The following CBLB variants were observed in gnomAD, a reference collection of about 807,000 sequenced individuals.
The protein encoded by CBLB is Cbl proto-oncogene B, also known as E3 ubiquitin-protein ligase CBL-B.
In CBLB, 31 loss-of-function variants were observed where a neutral mutation model predicts 104.9. That is an observed-to-expected ratio of 0.30 (90% CI 0.22 to 0.40). The LOEUF is 0.40. CBLB is among the 10% of genes least tolerant of loss of function. The probability of loss-of-function intolerance (pLI) is 1.00; values close to 1 mark genes in which losing one functional copy is unlikely to be tolerated. For synonymous variants in CBLB, 440 were observed against 422.6 expected, an observed-to-expected ratio of 1.04 and a Z score of -0.51; for missense variants, 1,062 against 1,214.6, an observed-to-expected ratio of 0.87 and a Z score of 1.87.
intron 18 of CBLB, among the ~76,000 whole-genome samples, chr3:105,665,434 T>TATATACACACACACACAC (rs1255660420): frequency 7.3e-4 from 82 of 112,026 alleles, no homozygotes; most frequent in African/African-American, 2.8e-3. Context: ...TATATATATA[T>TATATACACACACACACAC]ATATATATAC....
At chr3:105,732,870 C>A (rs149407938) in intron 9 of CBLB, among the ~76,000 whole-genome samples, 1 of 152,142 alleles carries the variant, frequency 6.6e-6, no homozygotes, top group South Asian at 2.1e-4. Flanking sequence ...TATGCTTCAC[C>A]GAAAATCTTT....
At chr3:105,737,328 A>C (rs2075060060) in intron 7 of CBLB, 70 bp from the exon 8 acceptor site, 2 of 742,686 alleles carry the variant, frequency 2.7e-6, no homozygotes, top group African/African-American at 1.8e-5. Flanking sequence ...TATTTAATCA[A>C]ATTTTTCTAT....
At chr3:105,731,965 C>A (rs1183746281) in intron 9 of CBLB, among the ~76,000 whole-genome samples, 1 of 152,160 alleles carries the variant, frequency 6.6e-6, no homozygotes, top group Non-Finnish European at 1.5e-5. Context: ...ACAAGCCCTG[C>A]ATGGAGGCAG....
At chr3:105,821,693 C>T (rs1363170194) in intron 3 of CBLB, among the ~76,000 whole-genome samples, 7 of 152,110 alleles carry the variant, frequency 4.6e-5, no homozygotes, top group African/African-American at 1.7e-4. Flanking sequence ...CAAGATTGCC[C>T]GGGATTGAAA....
chr3:105,704,821 C>T (rs1326143337), intron 10 of CBLB, among the ~76,000 whole-genome samples: 1 of 151,946 alleles, frequency 6.6e-6, no homozygotes, highest in Admixed American at 6.6e-5. Flanking sequence ...TCTGTTACTA[C>T]AAGTTTTCCA....
intron 4 of CBLB, among the ~76,000 whole-genome samples, chr3:105,757,091 G>A (rs1470487193): frequency 2.0e-5 from 3 of 152,224 alleles, no homozygotes; most frequent in East Asian, 1.9e-4. Flanking sequence ...AAGCCAAGCA[G>A]ATGCTAATAC....
chr3:105,821,537 A>G (rs1017445044), intron 3 of CBLB, among the ~76,000 whole-genome samples: 1 of 152,132 alleles, frequency 6.6e-6, no homozygotes, highest in Non-Finnish European at 1.5e-5. Flanking sequence ...AAACAAAAAG[A>G]AATCTTTGCA....
At chr3:105,789,060 C>T (rs958468200) in intron 3 of CBLB, among the ~76,000 whole-genome samples, 3 of 152,134 alleles carry the variant, frequency 2.0e-5, no homozygotes, top group African/African-American at 7.2e-5. Context: ...ATTCGGTAAA[C>T]CCACAAAACC....
intron 3 of CBLB, among the ~76,000 whole-genome samples, chr3:105,836,459 C>T (rs2088519083): frequency 6.6e-6 from 1 of 152,004 alleles, no homozygotes; most frequent in African/African-American, 2.4e-5. Context: ...AGGAGGTTCC[C>T]AAATTAGTCT....
chr3:105,814,843 A>G (rs993619171), intron 3 of CBLB, among the ~76,000 whole-genome samples: 4 of 151,774 alleles, frequency 2.6e-5, no homozygotes, highest in Non-Finnish European at 5.9e-5. Context: ...AAGAAAATCC[A>G]TAGTCTAAGA....
At chr3:105,692,965 G>C (rs918448509) in intron 13 of CBLB, among the ~76,000 whole-genome samples, 1 of 150,674 alleles carries the variant, frequency 6.6e-6, no homozygotes, top group Non-Finnish European at 1.5e-5. Context: ...CTAACTCTCC[G>C]ATCATAAGAG....
intron 17 of CBLB, chr3:105,671,843 T>C (rs1195400848): frequency 2.1e-5 from 4 of 193,576 alleles, no homozygotes; most frequent in Middle Eastern, 3.7e-3. Context: ...GATTTTGAGT[T>C]TTCAATATTT....
chr3:105,793,629 A>G (rs921347187), intron 3 of CBLB, among the ~76,000 whole-genome samples: 1 of 152,192 alleles, frequency 6.6e-6, no homozygotes, highest in African/African-American at 2.4e-5. Context: ...TCTCAGGAAA[A>G]AAAAAGTATC....
intron 3 of CBLB, among the ~76,000 whole-genome samples, chr3:105,799,832 C>G (rs1173932361): frequency 6.6e-6 from 1 of 152,132 alleles, no homozygotes; most frequent in Non-Finnish European, 1.5e-5. Flanking sequence ...TTATAGGATA[C>G]ATGAACGTTT....
chr3:105,762,576 C>G (rs754137729), intron 4 of CBLB, among the ~76,000 whole-genome samples: 1 of 152,230 alleles, frequency 6.6e-6, no homozygotes, highest in Non-Finnish European at 1.5e-5. Flanking sequence ...GTGTTTGAGC[C>G]TGCAGGTGCA....
intron 3 of CBLB, among the ~76,000 whole-genome samples, chr3:105,804,719 T>G (rs1045697974): frequency 1.3e-5 from 2 of 152,146 alleles, no homozygotes; most frequent in African/African-American, 4.8e-5. Context: ...TTGGATACTG[T>G]TGTCCTTAAA....
chr3:105,711,275 T>A (rs1315012106), intron 10 of CBLB, among the ~76,000 whole-genome samples: 1 of 151,970 alleles, frequency 6.6e-6, no homozygotes, highest in Non-Finnish European at 1.5e-5. Flanking sequence ...ATAATAAGGA[T>A]GATGAGAAGG....
intron 13 of CBLB, among the ~76,000 whole-genome samples, chr3:105,691,638 T>C (rs558968245): frequency 6.6e-6 from 1 of 152,324 alleles, no homozygotes; most frequent in East Asian, 1.9e-4. Flanking sequence ...TACATGCACA[T>C]ATATCCAGAG....
chr3:105,852,708 G>A (rs1375864146), intron 3 of CBLB, among the ~76,000 whole-genome samples: 4 of 151,514 alleles, frequency 2.6e-5, no homozygotes, highest in Non-Finnish European at 4.4e-5. Flanking sequence ...TGTTATACAG[G>A]TTATTACAGG....
Sources: gnomAD v4.1 joint callset for allele counts (sites outside exome capture counted in the v4.1 genomes callset) on GRCh38, gnomAD v4.1.1 for gene constraint, MANE v1.5 for transcripts, NCBI Gene and HGNC (gene_info 2026-07-23, HGNC 2026-07-21) for gene names.